Variants in STX11 observed in about 807,000 individuals in gnomAD.
STX11 encodes syntaxin-11.
Under a neutral mutation model 19.9 loss-of-function variants are expected in STX11, and 21 were observed. That is an observed-to-expected ratio of 1.06 (90% CI 0.75 to 1.52). STX11 has a LOEUF of 1.52. Ranked by LOEUF, STX11 falls within the 40% of genes most tolerant of loss-of-function variation. The pLI, the probability that STX11 is intolerant of heterozygous loss-of-function variation, is 0.00. For synonymous variants in STX11, 193 were observed against 174.4 expected (o/e 1.11, Z -0.84); for missense variants, 438 against 405.9 (o/e 1.08, Z -0.68).
At chr6:144,171,834 G>A (rs149771004) in intron 1 of STX11, among the ~76,000 whole-genome samples, 342 of 151,976 alleles carry the variant, frequency 2.3e-3, no homozygotes, top group African/African-American at 7.1e-3. Flanking sequence ...AAATGTGTAC[G>A]CTTTATATTA....
rs1802192917 is a variant in STX11 at position 144,190,725 on chromosome 6, G to A, written c.*3234G>A. Among the ~76,000 whole-genome samples the A allele has an allele frequency of 6.6e-6, 1 of 152,138 alleles. No individual in the cohort carries two copies. The highest frequency in any genetic ancestry group is 6.5e-5 in the Admixed American group (1 of 15,274). Reference sequence around the variant, plus strand: ...AGCAGCTGTTCTGCTCAGCTTGGCAGGTGTTCTTTCCTAATTCTTCCCAAG... The same window carrying A: ...AGCAGCTGTTCTGCTCAGCTTGGCAAGTGTTCTTTCCTAATTCTTCCCAAG... On this transcript the variant is annotated 3_prime_UTR_variant, in exon 2 of 2. Transcript: ENST00000367568.
chr6:144,173,592 C>T (rs927110197), intron 1 of STX11, among the ~76,000 whole-genome samples: 5 of 152,190 alleles, frequency 3.3e-5, no homozygotes, highest in East Asian at 1.9e-4. Flanking sequence ...TTGTCTCTAT[C>T]GTGCAGAACT....
chr6:144,176,442 G>C lies in STX11; in HGVS notation c.-5-10181G>C, dbSNP rs949030741. On this transcript the variant is annotated intron_variant, in intron 1 of 1. Transcript: ENST00000367568. The surrounding 1 kb of genome is among the most constrained non-coding windows in gnomAD (Gnocchi z 4.1). ...TGGTGGATTTTATATCAGTTCTCAA[G>C]CACAATGACTGGTTTGGGGTGCACA... Among the ~76,000 whole-genome samples the C allele has an allele frequency of 8.5e-5, 13 of 152,176 alleles. No homozygotes were observed. Among genetic ancestry groups the C allele is most frequent in the Non-Finnish European group, 1.8e-4 (12 of 68,028 alleles).
intron 1 of STX11, among the ~76,000 whole-genome samples, chr6:144,186,173 G>T (rs1297187935): frequency 9.7e-6 from 1 of 102,720 alleles, no homozygotes; most frequent in East Asian, 3.3e-4. Context: ...GTTGTGGGGT[G>T]GGGGGAGGGG....
chr6:144,157,195 A>G (rs562022964), intron 1 of STX11, among the ~76,000 whole-genome samples: 2 of 152,202 alleles, frequency 1.3e-5, no homozygotes, highest in African/African-American at 2.4e-5. Context: ...GGGATTGCAC[A>G]GGGGGAGAGA....
Position 144,160,029 on chromosome 6 carries a change from G to A in STX11, c.-6+9326G>A, listed in dbSNP as rs1801293600. 6.6e-6 allele frequency among the ~76,000 whole-genome samples: 1 copy of A among 152,052 alleles called. No individual in the cohort carries two copies. The highest frequency in any genetic ancestry group is 1.5e-5 in the Non-Finnish European group (1 of 67,988). Reference sequence around the variant, plus strand: ...TTTTTAAAAAAATATTATGATTTTTGAGAGACTCTGTCGCCCAGGCTGGAA... The same window carrying A: ...TTTTTAAAAAAATATTATGATTTTTAAGAGACTCTGTCGCCCAGGCTGGAA... On this transcript the variant is annotated intron_variant, in intron 1 of 1. Coordinates refer to ENST00000367568, the MANE Select transcript of STX11 (RefSeq NM_003764.4). The surrounding 1 kb of genome is among the most constrained non-coding windows in gnomAD (Gnocchi z 4.3).
At position 144,190,525 on chromosome 6, in the gene STX11, TAATA is replaced by T. The variant is rs146440209; in HGVS notation, c.*3040_*3043del. On this transcript the variant is annotated 3_prime_UTR_variant, in exon 2 of 2. Transcript: ENST00000367568. ...AAAGCCTATTTTTTGTTAACAGTCT[TAATA>T]AATAATAAAATGGAATAAAGAAACC... is the stretch of plus-strand genomic sequence containing the variant. Among the ~76,000 whole-genome samples, 798 of 151,832 alleles carry T rather than the reference TAATA, an allele frequency of 5.3e-3. 32 individuals are homozygous for T. In the East Asian group the frequency reaches 0.1, roughly 19 times the overall value.
At position 144,180,938 on chromosome 6, in the gene STX11, AG is replaced by A. The variant is rs1057413266; in HGVS notation, c.-5-5682del. On this transcript the variant is annotated intron_variant, in intron 1 of 1. Coordinates refer to ENST00000367568, the MANE Select transcript of STX11 (RefSeq NM_003764.4). This position sits in a 1 kb window ranked among gnomAD's most constrained non-coding sequence, Gnocchi z 5.3. ...ATCAGAGTATTTATTCATGTACCTG[AG>A]GGTGCCTCATCATAGTAAGCTCAGT... Among the ~76,000 whole-genome samples the A allele has an allele frequency of 6.6e-5, 10 of 152,338 alleles. No individual in the cohort carries two copies. Among genetic ancestry groups the A allele is most frequent in the African/African-American group, 2.4e-4 (10 of 41,578 alleles).
At chr6:144,144,613 G>GTGGC in the STX11 span, among the ~76,000 whole-genome samples, 14 of 152,076 alleles carry the variant, frequency 9.2e-5, no homozygotes, top group Non-Finnish European at 1.9e-4. Context: ...ACTAGTTATC[G>GTGGC]TGGCTGTTAA....
chr6:144,156,127 T>G (rs1488481716), intron 1 of STX11, among the ~76,000 whole-genome samples: 1 of 143,968 alleles, frequency 6.9e-6, no homozygotes, highest in Non-Finnish European at 1.5e-5. Context: ...TGCAATGGTG[T>G]GATCTCCGCT....
rs1802209081 is a variant in STX11 at position 144,191,578 on chromosome 6, A to G, written c.*4087A>G. On this transcript the variant is annotated 3_prime_UTR_variant, in exon 2 of 2. Coordinates refer to ENST00000367568, the MANE Select transcript of STX11 (RefSeq NM_003764.4). ...ACTATAGTCTTGATTTTTATGTATA[A>G]ATTCTATCATTCTATATTTTACCAT... is the stretch of plus-strand genomic sequence containing the variant. Among the ~76,000 whole-genome samples, 1 of 152,042 alleles carries G rather than the reference A, an allele frequency of 6.6e-6. No homozygotes were observed.
chr6:144,152,962 T>C lies in STX11; in HGVS notation c.-6+2259T>C, dbSNP rs1162495878. On this transcript the variant is annotated intron_variant, in intron 1 of 1. Coordinates refer to ENST00000367568, the MANE Select transcript of STX11 (RefSeq NM_003764.4). The surrounding 1 kb of genome is among the most constrained non-coding windows in gnomAD (Gnocchi z 4.9). ...TAGTTTATACATTGGTAACACTATA[T>C]TGAAGCGAGTTTATGATCATTGTTT... Among the ~76,000 whole-genome samples, 1 of 152,236 alleles carries C rather than the reference T, an allele frequency of 6.6e-6. No individual in the cohort carries two copies. The highest frequency in any genetic ancestry group is 1.5e-5 in the Non-Finnish European group (1 of 68,042).
chr6:144,140,209 C>CATATATATAT, the STX11 span, among the ~76,000 whole-genome samples: 77 of 44,272 alleles, frequency 1.7e-3, no homozygotes, highest in African/African-American at 2.9e-3. Flanking sequence ...GGTCAATTCA[C>CATATATATAT]ATATATATAT....
rs1801716846 is a variant in STX11 at position 144,174,222 on chromosome 6, A to G, written c.-5-12401A>G. ...AGCCCTTTTGCACAAATGCTTTTCA[A>G]ACCTCTGCTTGCATCATATTTGCTA... On this transcript the variant is annotated intron_variant, in intron 1 of 1. Coordinates refer to ENST00000367568, the MANE Select transcript of STX11 (RefSeq NM_003764.4). This position sits in a 1 kb window ranked among gnomAD's most constrained non-coding sequence, Gnocchi z 5.3. 6.6e-6 allele frequency among the ~76,000 whole-genome samples: 1 copy of G among 152,172 alleles called. No individual in the cohort carries two copies. The highest frequency in any genetic ancestry group is 1.5e-5 in the Non-Finnish European group (1 of 68,036).
At chr6:144,186,539 AG>A (rs1243093151) in intron 1 of STX11, 83 bp from the exon 2 acceptor site, 1 of 1,577,160 alleles carries the variant, frequency 6.3e-7, no homozygotes, top group Non-Finnish European at 8.7e-7. Flanking sequence ...GGGACTGCTG[AG>A]TAAAATGTTT....
At chr6:144,143,275 T>C in the STX11 span, among the ~76,000 whole-genome samples, 1 of 152,132 alleles carries the variant, frequency 6.6e-6, no homozygotes, top group African/African-American at 2.4e-5. Flanking sequence ...TCTGTCAGGA[T>C]TGTAGTTATA....
chr6:144,168,746 T>C (rs1454606560), intron 1 of STX11, among the ~76,000 whole-genome samples: 1 of 152,250 alleles, frequency 6.6e-6, no homozygotes, highest in Non-Finnish European at 1.5e-5. Flanking sequence ...TCCCTCATGC[T>C]AAACTCCTTT....
chr6:144,140,258 A>ATATT, the STX11 span, among the ~76,000 whole-genome samples: 3 of 52,504 alleles, frequency 5.7e-5, no homozygotes, highest in African/African-American at 4.2e-4. Context: ...ATATATATTT[A>ATATT]TTTATTTATT....
At position 144,169,105 on chromosome 6, in the gene STX11, C is replaced by T. The variant is rs535624656; in HGVS notation, c.-5-17518C>T. ...ATAATGGATTGGTAAGAAATTCACT[C>T]CTTGGAAACAGCAAAGACACAAGCT... On this transcript the variant is annotated intron_variant, in intron 1 of 1. Coordinates refer to ENST00000367568, the MANE Select transcript of STX11 (RefSeq NM_003764.4). This position sits in a 1 kb window ranked among gnomAD's most constrained non-coding sequence, Gnocchi z 5.2. 1.3e-5 allele frequency among the ~76,000 whole-genome samples: 2 copies of T among 152,274 alleles called. No homozygotes were observed. Among genetic ancestry groups the T allele is most frequent in the East Asian group, 3.9e-4 (2 of 5,190 alleles).
Sources: gnomAD v4.1 joint callset for allele counts (sites outside exome capture counted in the v4.1 genomes callset) on GRCh38, gnomAD v4.1.1 for gene constraint, Gnocchi (gnomAD v3.1) non-coding constraint, MANE v1.5 for transcripts, NCBI Gene and HGNC (gene_info 2026-07-23, HGNC 2026-07-21) for gene names.